Variants in SLC5A11 observed in about 807,000 individuals in gnomAD.
SLC5A11 encodes the protein solute carrier family 5 member 11, also known as sodium/myo-inositol cotransporter 2.
In SLC5A11, 48 loss-of-function variants were observed where a neutral mutation model predicts 69.8. The observed-to-expected ratio is 0.69, with a 90% CI of 0.55 to 0.87. The LOEUF (loss-of-function observed/expected upper bound fraction) is 0.87, where lower values mean the gene tolerates loss of function less well. Among genes scored for constraint, SLC5A11 ranks in the 40% least tolerant of loss-of-function variants. The pLI is 0.00. For synonymous variants in SLC5A11, 319 were observed against 342.4 expected, an observed-to-expected ratio of 0.93 and a Z score of 0.75; for missense variants, 784 against 866.1, an observed-to-expected ratio of 0.91 and a Z score of 1.19.
intron 3 of SLC5A11, among the ~76,000 whole-genome samples, chr16:24,867,680 GGA>G (rs1567597812): frequency 6.6e-6 from 1 of 151,898 alleles, no homozygotes; most frequent in Non-Finnish European, 1.5e-5. Context: ...TGAAAAAGGG[GGA>G]ATTTCCATCA....
chr16:24,901,927 A>ACACACAC (rs1567684494), intron 10 of SLC5A11, among the ~76,000 whole-genome samples: 10 of 126,812 alleles, frequency 7.9e-5, no homozygotes, highest in African/African-American at 3.2e-4. Context: ...TCTGGAAAAA[A>ACACACAC]AAATACACAC....
intron 1 of SLC5A11, among the ~76,000 whole-genome samples, chr16:24,851,994 T>TCTC (rs779064066): frequency 7.8e-6 from 1 of 127,704 alleles, no homozygotes; most frequent in African/African-American, 2.9e-5. Context: ...TCTCTCTCTC[T>TCTC]CCCACTCTAT....
At chr16:24,858,466 G>A (rs879383311) in intron 1 of SLC5A11, among the ~76,000 whole-genome samples, 154 bp from the exon 3 acceptor site, 5 of 152,328 alleles carry the variant, frequency 3.3e-5, no homozygotes, top group South Asian at 2.1e-4. Flanking sequence ...TGGATGGATC[G>A]ATGGATGGAT....
intron 7 of SLC5A11, among the ~76,000 whole-genome samples, chr16:24,880,752 C>T (rs1262624407): frequency 6.6e-6 from 1 of 152,158 alleles, no homozygotes; most frequent in Non-Finnish European, 1.5e-5. Flanking sequence ...CACCAGGACC[C>T]TCCCCCAACA....
intron 1 of SLC5A11, among the ~76,000 whole-genome samples, chr16:24,850,579 AT>A (rs1193318586): frequency 6.6e-6 from 1 of 151,806 alleles, no homozygotes; most frequent in Non-Finnish European, 1.5e-5. Context: ...CACATCTGGA[AT>A]TTTCCCCACC....
chr16:24,898,151 C>A, intron 10 of SLC5A11, 42 bp downstream of exon 11: 1 of 1,601,704 alleles, frequency 6.2e-7, no homozygotes. Flanking sequence ...GTATGTGAGT[C>A]TCAGACCATG....
chr16:24,890,420 G>A (rs182773214), intron 8 of SLC5A11, among the ~76,000 whole-genome samples: 1 of 146,146 alleles, frequency 6.8e-6, no homozygotes, highest in East Asian at 2.1e-4. Flanking sequence ...GGAGGCGGAG[G>A]TGGCAGTGAG....
chr16:24,910,533 A>ATTT (rs201159355), intron 15 of SLC5A11, 56 bp downstream of exon 16: 19,239 of 1,317,604 alleles, frequency 0.015, 2 homozygotes, highest in Non-Finnish European at 0.017. Context: ...AAAGGGATTG[A>ATTT]TTTTTTTTTT....
At chr16:24,870,441 A>ACC (rs2047210659) in intron 4 of SLC5A11, among the ~76,000 whole-genome samples, 1 of 124,814 alleles carries the variant, frequency 8.0e-6, no homozygotes, top group Non-Finnish European at 1.8e-5. Context: ...AAACAAAAAA[A>ACC]AACACACACA....
chr16:24,870,083 G>A, intron 4 of SLC5A11, 78 bp downstream of exon 5: 2 of 1,027,632 alleles, frequency 1.9e-6, no homozygotes, highest in Non-Finnish European at 3.0e-6. Context: ...TTGTGTGAAT[G>A]CCCTGCACTT....
intron 8 of SLC5A11, 22 bp downstream of exon 9, chr16:24,884,153 C>T: frequency 6.2e-7 from 1 of 1,610,358 alleles, no homozygotes; most frequent in Non-Finnish European, 8.5e-7. Flanking sequence ...CCCCGGGTCA[C>T]TGGGGCGGAC....
rs183654253 is a variant in SLC5A11, at chr16:24,904,616, C to T, written c.1007-2041C>T. 1.8e-3 allele frequency among the ~76,000 whole-genome samples: 280 copies of T among 152,240 alleles called. 9 individuals carry two copies. Among genetic ancestry groups the T allele is most frequent in the Non-Finnish European group, 2.9e-4 (20 of 68,012 alleles). On this transcript the variant is annotated intron_variant, in intron 10 of 15. Coordinates refer to ENST00000347898, the Ensembl canonical transcript of SLC5A11. ...AGTTTCAGGGCCAAGCACTCTGCCT[C>T]CCTATTTGCACTTCTCTCTCCACCA... is the stretch of plus-strand genomic sequence containing the variant.
chr16:24,881,245 T>C (rs1234188464), intron 7 of SLC5A11, among the ~76,000 whole-genome samples: 1 of 151,914 alleles, frequency 6.6e-6, no homozygotes, highest in African/African-American at 2.4e-5. Flanking sequence ...TGAGATGATA[T>C]CTCATTGTGG....
intron 2 of SLC5A11, 103 bp from the exon 4 acceptor site, chr16:24,862,498 C>T: frequency 1.3e-6 from 1 of 742,888 alleles, no homozygotes; most frequent in Non-Finnish European, 2.3e-6. Context: ...CGAATCTGGC[C>T]CTCAGGACTC....
chr16:24,865,639 G>C (rs1158108724), intron 3 of SLC5A11, among the ~76,000 whole-genome samples: 3 of 152,042 alleles, frequency 2.0e-5, no homozygotes, highest in Non-Finnish European at 2.9e-5. Flanking sequence ...AAAGAAAAAG[G>C]CTACCAATCA....
chr16:24,869,417 G>C (rs970222354), intron 3 of SLC5A11, among the ~76,000 whole-genome samples: 3 of 152,148 alleles, frequency 2.0e-5, no homozygotes, highest in African/African-American at 7.2e-5. Flanking sequence ...TTGAGACCAG[G>C]GAGACCAGGG....
At chr16:24,870,781 C>CAAAAAAAAAAAAA in intron 4 of SLC5A11, among the ~76,000 whole-genome samples, 1 of 66,544 alleles carries the variant, frequency 1.5e-5, no homozygotes, top group Non-Finnish European at 2.7e-5. Context: ...CTCTGTCTCA[C>CAAAAAAAAAAAAA]AAAAAAAAAA....
At chr16:24,883,913 T>C in intron 7 of SLC5A11, 138 bp from the exon 9 acceptor site, 2 of 692,684 alleles carry the variant, frequency 2.9e-6, no homozygotes, top group Non-Finnish European at 5.0e-6. Flanking sequence ...CAGGGAGGAG[T>C]GATCGTGGCC....
At position 24,883,984 on chromosome 16, in the gene SLC5A11, T is replaced by G. The variant is rs1341373038; in HGVS notation, c.584-67T>G. On this transcript the variant is annotated intron_variant, in intron 7 of 15. Transcript: ENST00000347898. ...TCGGGTCCTGGCCTTCCAGGTTCCCTTGGTGACCCAGAGTAACCCCTTCTC... is the reference window on the plus strand; with the variant it reads ...TCGGGTCCTGGCCTTCCAGGTTCCCGTGGTGACCCAGAGTAACCCCTTCTC... The G allele has an allele frequency of 9.5e-6, 14 of 1,474,246 alleles. No homozygotes were observed. The East Asian group carries it at 3.2e-4, about 34-fold the overall frequency. The allele number at this position is 1,474,246 out of a possible 1,614,324, so 91.3% of individuals were successfully genotyped here. A position where few individuals can be genotyped will look rare whatever the true frequency, so the allele number is the denominator to read the frequency against.
Sources: gnomAD v4.1 joint callset for allele counts (sites outside exome capture counted in the v4.1 genomes callset) on GRCh38, gnomAD v4.1.1 for gene constraint, MANE v1.5 for transcripts, NCBI Gene and HGNC (gene_info 2026-07-23, HGNC 2026-07-21) for gene names.